The following TOPAZ1 variants were observed in gnomAD, a reference collection of about 807,000 sequenced individuals.
TOPAZ1 encodes protein TOPAZ1.
TOPAZ1 carries 66 observed loss-of-function variants against 172.2 expected under a neutral mutation model. The observed-to-expected ratio is 0.38, with a 90% CI of 0.31 to 0.47. TOPAZ1 has a LOEUF of 0.47. TOPAZ1 is among the 20% of genes least tolerant of loss of function. The pLI is 0.99. For synonymous variants in TOPAZ1, 681 were observed against 683.9 expected, an observed-to-expected ratio of 1.00 and a Z score of 0.07; for missense variants, 1,822 against 1,972.4, an observed-to-expected ratio of 0.92 and a Z score of 1.44.
Position 44,244,616 on chromosome 3 carries a change from GC to G in TOPAZ1, c.2112del (p.Lys705SerfsTer11). On this transcript the variant is annotated frameshift_variant, in exon 2 of 20. Transcript: ENST00000309765. LOFTEE classifies it high-confidence loss of function. ...ATCAGAAAAAAGAAAAGAAGTAAAT[GC>G]CAAGTCATCAGAGAGAGAAGCTTAC... Reference protein sequence around the residue: ...NKSEKRKEVNAKSSEREAYSP... With the variant: ...NKSEKRKEVNXKSSEREAYSP... The G allele has an allele frequency of 6.4e-7, 1 of 1,551,116 alleles. No individual in the cohort carries two copies. Among genetic ancestry groups the G allele is most frequent in the African/African-American group, 1.4e-5 (1 of 73,078 alleles).
chr3:44,273,075 C>T (rs1455823554), intron 8 of TOPAZ1, among the ~76,000 whole-genome samples: 1 of 152,200 alleles, frequency 6.6e-6, no homozygotes, highest in Non-Finnish European at 1.5e-5. Context: ...AAACACCTAG[C>T]TATAGCCATT....
intron 14 of TOPAZ1, among the ~76,000 whole-genome samples, chr3:44,305,554 G>C (rs1700327337): frequency 6.6e-6 from 1 of 151,912 alleles, no homozygotes; most frequent in Non-Finnish European, 1.5e-5. Context: ...ATTTTTTGTA[G>C]ACACAGAATC....
intron 8 of TOPAZ1, among the ~76,000 whole-genome samples, chr3:44,276,580 T>A (rs1438747555): frequency 6.6e-6 from 1 of 150,862 alleles, no homozygotes; most frequent in Non-Finnish European, 1.5e-5. Context: ...TGTATCCTTA[T>A]AATGTATTTT....
intron 18 of TOPAZ1, among the ~76,000 whole-genome samples, chr3:44,325,794 T>C (rs1700593866): frequency 6.6e-6 from 1 of 152,074 alleles, no homozygotes. Context: ...CAGGCACATA[T>C]CACCATGCGC....
In TOPAZ1 at chr3:44,268,366, CTTT is replaced by C. The variant is rs34027226; in HGVS notation, c.3161-826_3161-824del. Among the ~76,000 whole-genome samples, 314 of 67,448 alleles carry C rather than the reference CTTT, an allele frequency of 4.7e-3. 1 individual carries two copies. The highest frequency in any genetic ancestry group is 0.014 in the African/African-American group (263 of 18,406). The allele number at this position is 67,448 out of a possible 152,430, so 44.2% of individuals were successfully genotyped here. A position where few individuals can be genotyped will look rare whatever the true frequency, so the allele number is the denominator to read the frequency against. Reference sequence around the variant, plus strand: ...GAGTGTAAGCTCTGTGGTGCCTATTCTTTTTTTTTTTTTTTTTTTTTTTTTTAG... The same window carrying C: ...GAGTGTAAGCTCTGTGGTGCCTATTCTTTTTTTTTTTTTTTTTTTTTTTAG... On this transcript the variant is annotated intron_variant, in intron 6 of 19. Transcript: ENST00000309765.
chr3:44,278,611 T>G (rs1052161056), intron 8 of TOPAZ1, among the ~76,000 whole-genome samples: 1 of 152,196 alleles, frequency 6.6e-6, no homozygotes, highest in African/African-American at 2.4e-5. Context: ...CCTCTAGATT[T>G]TCTACTTTTT....
At chr3:44,296,864 AG>A (rs1360503072) in intron 12 of TOPAZ1, among the ~76,000 whole-genome samples, 11 of 138,564 alleles carry the variant, frequency 7.9e-5, no homozygotes, top group East Asian at 3.9e-4. Context: ...AAAAAAAAAA[AG>A]AAAAAAAAAA....
intron 15 of TOPAZ1, among the ~76,000 whole-genome samples, chr3:44,308,678 T>C (rs1248598133): frequency 6.6e-6 from 1 of 152,222 alleles, no homozygotes; most frequent in Non-Finnish European, 1.5e-5. Flanking sequence ...TATATTTTAA[T>C]TTTATTTGGT....
chr3:44,326,273 C>T (rs954468492), intron 18 of TOPAZ1, among the ~76,000 whole-genome samples: 2 of 152,152 alleles, frequency 1.3e-5, no homozygotes, highest in Admixed American at 6.5e-5. Flanking sequence ...TCCCACCAGC[C>T]GTGTACGGGA....
intron 9 of TOPAZ1, among the ~76,000 whole-genome samples, chr3:44,285,860 G>A (rs542886923): frequency 1.3e-5 from 2 of 151,554 alleles, no homozygotes; most frequent in South Asian, 2.1e-4. Context: ...GAGCCACCAC[G>A]CCTGGCCGAG....
Position 44,255,039 on chromosome 3 carries a change from G to A in TOPAZ1, c.2827+10G>A, listed in dbSNP as rs1214085856. The A allele has an allele frequency of 2.6e-6, 4 of 1,547,314 alleles. No homozygotes were observed. The African/African-American group carries it at 5.5e-5, about 21-fold the overall frequency. On this transcript the variant is annotated intron_variant, in intron 3 of 19. Transcript: ENST00000309765. ...GCTTCCAACTCAGCAGGTAAAAGTT[G>A]ACATTTTCAGAATATGCAATATTGA... is the stretch of plus-strand genomic sequence containing the variant.
At chr3:44,313,335 G>A (rs1700415573) in intron 16 of TOPAZ1, among the ~76,000 whole-genome samples, 1 of 152,138 alleles carries the variant, frequency 6.6e-6, no homozygotes, top group East Asian at 1.9e-4. Context: ...CCCCGGGCCA[G>A]GTGCGGTGGC....
At chr3:44,315,684 A>G (rs905213432) in intron 16 of TOPAZ1, among the ~76,000 whole-genome samples, 4 of 151,738 alleles carry the variant, frequency 2.6e-5, no homozygotes, top group African/African-American at 9.7e-5. Flanking sequence ...TTCATTTTCA[A>G]TCAGTGGCTG....
intron 12 of TOPAZ1, among the ~76,000 whole-genome samples, chr3:44,299,508 A>T (rs889453406): frequency 2.6e-5 from 4 of 151,966 alleles, no homozygotes; most frequent in Non-Finnish European, 5.9e-5. Context: ...TTGGTGGGAC[A>T]GTAAACTAGT....
rs1699479581 is a variant in TOPAZ1 at position 44,241,911 on chromosome 3, G to A, written c.-143G>A. ...ACTTCCGCTTACGCGCCCCACTTCC[G>A]CTTCCGGCCCCGGGCTGTGGTGACT... On this transcript the variant is annotated 5_prime_UTR_variant, in exon 1 of 20. Transcript: ENST00000309765. 4 of 808,764 alleles carry A rather than the reference G, an allele frequency of 4.9e-6. No homozygotes were observed. The highest frequency in any genetic ancestry group is 7.4e-6 in the Non-Finnish European group (4 of 538,246). 50.1% of individuals were successfully genotyped at this position (808,764 alleles called of 1,614,324 possible). A position where few individuals can be genotyped will look rare whatever the true frequency, so the allele number is the denominator to read the frequency against.
chr3:44,254,315 A>G (rs1575706550), intron 2 of TOPAZ1, among the ~76,000 whole-genome samples: 1 of 152,278 alleles, frequency 6.6e-6, no homozygotes, highest in African/African-American at 2.4e-5. Flanking sequence ...TGACCGTATG[A>G]CATACATATA....
intron 16 of TOPAZ1, among the ~76,000 whole-genome samples, chr3:44,320,805 A>C (rs1335249472): frequency 6.6e-6 from 1 of 152,196 alleles, no homozygotes. Context: ...ATTAATTAAA[A>C]ATAAATATAA....
At chr3:44,256,840 C>T (rs951857647) in intron 4 of TOPAZ1, among the ~76,000 whole-genome samples, 1 of 152,152 alleles carries the variant, frequency 6.6e-6, no homozygotes, top group Non-Finnish European at 1.5e-5. Context: ...CTCTCTCTTA[C>T]CTTACATTTT....
At chr3:44,290,925 G>T (rs1284355413) in intron 12 of TOPAZ1, 39 bp downstream of exon 12, 1 of 1,310,224 alleles carries the variant, frequency 7.6e-7, no homozygotes. Flanking sequence ...AAATATATGT[G>T]TCTTGGTGGG....
Sources: allele counts gnomAD v4.1 joint callset (sites outside exome capture counted in the v4.1 genomes callset), GRCh38; gene constraint gnomAD v4.1.1; transcripts MANE v1.5; gene names NCBI Gene and HGNC (gene_info 2026-07-23, HGNC 2026-07-21).